The following SFI1 variants were observed in gnomAD, a reference collection of about 807,000 sequenced individuals.
SFI1 encodes SFI1 centrin binding protein.
SFI1 carries 195 observed loss-of-function variants against 207.5 expected under a neutral mutation model. That is an observed-to-expected ratio of 0.94 (90% confidence interval 0.84 to 1.06). The LOEUF (loss-of-function observed/expected upper bound fraction) is 1.06. SFI1 is among the 50% of genes least tolerant of loss of function. The pLI is 0.00. For synonymous variants in SFI1, 630 were observed against 598.9 expected, an observed-to-expected ratio of 1.05 and a Z score of -0.76; for missense variants, 1,634 against 1,588.0, an observed-to-expected ratio of 1.03 and a Z score of -0.49.
chr22:31,497,819 G>C (rs936789659), intron 1 of SFI1, among the ~76,000 whole-genome samples: 1 of 152,076 alleles, frequency 6.6e-6, no homozygotes, highest in Admixed American at 6.6e-5. Context: ...GAGACCTACT[G>C]TTCAGAAAAA....
intron 6 of SFI1, among the ~76,000 whole-genome samples, chr22:31,556,211 A>T (rs181774176): frequency 0.012 from 1,763 of 148,868 alleles, 9 homozygotes; most frequent in Middle Eastern, 0.028. Context: ...TACAATTGAA[A>T]TTTTTTTTTC....
At chr22:31,552,512 A>G (rs1164524825) in intron 6 of SFI1, among the ~76,000 whole-genome samples, 1 of 152,100 alleles carries the variant, frequency 6.6e-6, no homozygotes, top group Admixed American at 6.5e-5. Flanking sequence ...TCGGCCTCCC[A>G]AAGTACTGAG....
intron 3 of SFI1, chr22:31,529,160 T>C (rs2058223409): frequency 3.4e-6 from 1 of 292,742 alleles, no homozygotes; most frequent in Non-Finnish European, 6.4e-6. Context: ...TGCTATTCTT[T>C]TTTTCCCCCC....
At position 31,580,750 on chromosome 22, in the gene SFI1, C is replaced by A. The variant is rs887386405; in HGVS notation, c.1248+386C>A. Among the ~76,000 whole-genome samples, 17 of 151,930 alleles carry A rather than the reference C, an allele frequency of 1.1e-4. 1 individual carries two copies. Among genetic ancestry groups the A allele is most frequent in the Non-Finnish European group, 2.2e-4 (15 of 67,972 alleles). On this transcript the variant is annotated intron_variant, in intron 12 of 32. Transcript: ENST00000400288. Reference sequence around the variant, plus strand: ...TAGAGACGAGGTTTCACCATGTTGGCCAGGCTTGTCTCGAACTCCTGACTT... The same window carrying A: ...TAGAGACGAGGTTTCACCATGTTGGACAGGCTTGTCTCGAACTCCTGACTT...
chr22:31,514,527 A>AAC (rs1555944841), intron 2 of SFI1, among the ~76,000 whole-genome samples: 4 of 151,024 alleles, frequency 2.6e-5, no homozygotes, highest in Admixed American at 6.6e-5. Flanking sequence ...AAAAAAAAAA[A>AAC]AAAATCAACT....
intron 2 of SFI1, among the ~76,000 whole-genome samples, chr22:31,513,254 G>T (rs2055897661): frequency 6.6e-6 from 1 of 152,012 alleles, no homozygotes; most frequent in African/African-American, 2.4e-5. Context: ...AGCCTCCTGG[G>T]ATCAAGCAAT....
rs980232686 is a variant in SFI1, at chr22:31,615,236, C to T, written c.3257C>T (p.Pro1086Leu). 4 of 1,534,650 alleles carry T rather than the reference C, an allele frequency of 2.6e-6. No homozygotes were observed. The highest frequency in any genetic ancestry group is 1.4e-5 in the African/African-American group (1 of 72,184). The change falls in exon 29 of 33, where the codon CCT becomes CTT. Residue 1086 changes from proline to leucine, a missense_variant. Transcript: ENST00000400288. ...ASTGPELLLL[P>L]LSSFMPCGAA... ...ACAGGCCCGGAGCTGCTGCTGCTGC[C>T]TCTTTCCTCCTTCATGCCCTGCGGG... is the stretch of plus-strand genomic sequence containing the variant.
chr22:31,546,938 G>A lies in SFI1; in HGVS notation c.416G>A (p.Trp139Ter), dbSNP rs773139610. The A allele has an allele frequency of 5.6e-6, 9 of 1,611,810 alleles. No homozygotes were observed. The highest frequency in any genetic ancestry group is 7.6e-6 in the Non-Finnish European group (9 of 1,179,002). ...KEEWWVFQHE[W>*]KLCVRADCHY... ...GAGTGGTGGGTTTTCCAGCACGAGT[G>A]GAAACTCTGTGTTCGAGCTGACTGT... Residue 139 changes from tryptophan (W) to a stop codon, truncating the protein, a stop_gained, in exon 5 of 33, where the codon TGG becomes TAG. Coordinates refer to ENST00000400288, the MANE Select transcript of SFI1 (RefSeq NM_001007467.3). LOFTEE classifies it high-confidence loss of function.
chr22:31,523,914 G>GTTGTAT (rs2057577073), intron 2 of SFI1, among the ~76,000 whole-genome samples: 2 of 149,660 alleles, frequency 1.3e-5, no homozygotes, highest in African/African-American at 4.9e-5. Flanking sequence ...TTAAACCTAA[G>GTTGTAT]TTGCAACAAT....
rs762207307 is a variant in SFI1, at chr22:31,575,303, G to A, written c.995G>A (p.Arg332Gln). 13 of 1,613,282 alleles carry A rather than the reference G, an allele frequency of 8.1e-6. No individual in the cohort carries two copies. The highest frequency in any genetic ancestry group is 4.4e-5 in the South Asian group (4 of 90,886). Reference sequence around the variant, plus strand: ...TGTGACTGGCAGCAGGCCTGGGAGCGGAGGGAGAGCTTGTACGCTCACCAT... The same window carrying A: ...TGTGACTGGCAGCAGGCCTGGGAGCAGAGGGAGAGCTTGTACGCTCACCAT... The part of the protein sequence containing the change: ...YFCDWQQAWE[R>Q]RESLYAHHAQ... Residue 332 changes from arginine to glutamine, a missense_variant, in exon 10 of 33, where the codon CGG (arginine) becomes CAG (glutamine). Coordinates refer to ENST00000400288, the MANE Select transcript of SFI1 (RefSeq NM_001007467.3).
At chr22:31,499,105 G>T (rs1033519069) in intron 1 of SFI1, among the ~76,000 whole-genome samples, 1 of 152,104 alleles carries the variant, frequency 6.6e-6, no homozygotes, top group Non-Finnish European at 1.5e-5. Flanking sequence ...ACTTCTAGGC[G>T]AAAGTGATCC....
chr22:31,594,622 A>C (rs1237541981), intron 15 of SFI1, among the ~76,000 whole-genome samples: 2 of 150,738 alleles, frequency 1.3e-5, no homozygotes, highest in Non-Finnish European at 3.0e-5. Flanking sequence ...TTGGGAGTCC[A>C]AGGCGGGCGG....
chr22:31,594,627 G>A (rs1196844161), intron 15 of SFI1, among the ~76,000 whole-genome samples: 4 of 151,538 alleles, frequency 2.6e-5, no homozygotes, highest in African/African-American at 7.3e-5. Context: ...AGTCCAAGGC[G>A]GGCGGATCAC....
chr22:31,610,629 C>T (rs1312459399), intron 22 of SFI1, among the ~76,000 whole-genome samples: 1 of 152,228 alleles, frequency 6.6e-6, no homozygotes, highest in Non-Finnish European at 1.5e-5. Flanking sequence ...TCCTGCAGAA[C>T]CCAGGGAGCC....
intron 5 of SFI1, 27 bp from the exon 6 acceptor site, chr22:31,550,227 T>A (rs1271879549): frequency 2.3e-5 from 36 of 1,593,666 alleles, no homozygotes; most frequent in Middle Eastern, 3.3e-4. Flanking sequence ...TTTGAAGAAA[T>A]GCCATTTACT....
chr22:31,566,569 A>G (rs1176141257), intron 8 of SFI1, among the ~76,000 whole-genome samples: 2 of 152,214 alleles, frequency 1.3e-5, no homozygotes, highest in African/African-American at 4.8e-5. Context: ...TCTATCACCT[A>G]TTAGCTTTGT....
At chr22:31,514,132 C>T (rs1295082337) in intron 2 of SFI1, among the ~76,000 whole-genome samples, 1 of 131,382 alleles carries the variant, frequency 7.6e-6, no homozygotes, top group Non-Finnish European at 1.6e-5. Context: ...CGGAGTGAAA[C>T]TCCATCTCAA....
chr22:31,505,166 C>CA (rs1330700001), intron 1 of SFI1, among the ~76,000 whole-genome samples: 3 of 152,164 alleles, frequency 2.0e-5, no homozygotes, highest in African/African-American at 7.2e-5. Context: ...GGCTCAGGCA[C>CA]AGTGGCTCAC....
intron 11 of SFI1, among the ~76,000 whole-genome samples, chr22:31,579,237 G>A (rs2063825669): frequency 6.6e-6 from 1 of 152,010 alleles, no homozygotes; most frequent in South Asian, 2.1e-4. Context: ...TTGAACTCCT[G>A]GACTCAAGTG....
Sources: allele counts gnomAD v4.1 joint callset (sites outside exome capture counted in the v4.1 genomes callset), GRCh38; gene constraint gnomAD v4.1.1; transcripts MANE v1.5; gene names NCBI Gene and HGNC (gene_info 2026-07-23, HGNC 2026-07-21).